Variants in FREM2 observed in about 807,000 individuals in gnomAD.
FREM2 encodes the protein FRAS1 related extracellular matrix 2.
A neutral mutation model predicts 219.9 loss-of-function variants in FREM2; 119 were observed. The ratio of observed to expected loss-of-function variants is 0.54; its 90% CI spans 0.47 to 0.63. The LOEUF (loss-of-function observed/expected upper bound fraction) is 0.63, where lower values mean the gene tolerates loss of function less well. FREM2 is among the 30% of genes least tolerant of loss of function. The pLI is 0.00. For synonymous variants in FREM2, 1,562 were observed against 1,522.8 expected (o/e 1.03, Z -0.60); for missense variants, 4,030 against 3,993.6 (o/e 1.01, Z -0.25).
intron 21 of FREM2, among the ~76,000 whole-genome samples, chr13:38,877,837 G>A (rs1878394924): frequency 6.6e-6 from 1 of 152,098 alleles, no homozygotes; most frequent in Non-Finnish European, 1.5e-5. Flanking sequence ...GACCACAATG[G>A]GATATTATTA....
intron 6 of FREM2, among the ~76,000 whole-genome samples, chr13:38,789,140 G>A (rs529253156): frequency 1.3e-5 from 2 of 151,888 alleles, no homozygotes; most frequent in Admixed American, 1.3e-4. Context: ...ATTGAGTTGA[G>A]GTACTATCTT....
chr13:38,779,641 A>G (rs951696965), intron 4 of FREM2: 1 of 152,100 alleles, frequency 6.6e-6, no homozygotes, highest in African/African-American at 2.4e-5. Flanking sequence ...TTAAAGCAAA[A>G]CTTCTTGAAA....
chr13:38,691,296 G>C lies in FREM2; in HGVS notation c.3952G>C (p.Asp1318His). 1.2e-6 allele frequency: 2 copies of C among 1,613,880 alleles called. No homozygotes were observed. Among genetic ancestry groups the C allele is most frequent in the Non-Finnish European group, 1.7e-6 (2 of 1,179,810 alleles). Reference sequence around the variant, plus strand: ...TAATGGACTAGAAATAGAAATTGGGGATACCAAGATTATCAACAACAAAAT... The same window carrying C: ...TAATGGACTAGAAATAGAAATTGGGCATACCAAGATTATCAACAACAAAAT... ...INNGLEIEIG[D>H]TKIINNKILM... The change falls in exon 1 of 24, where the codon GAT becomes CAT. Residue 1318 changes from aspartate to histidine, a missense_variant. By Grantham distance (81) the Asp-to-His change is moderately conservative (BLOSUM62 -1). Around this residue, in one of 2 missense-constraint regions of FREM2, gnomAD observed 3,102 missense variants for 2,950.7 expected, o/e 1.05. Coordinates refer to ENST00000280481, the MANE Select transcript of FREM2 (RefSeq NM_207361.6).
intron 6 of FREM2, among the ~76,000 whole-genome samples, chr13:38,814,943 C>T (rs1385434642): frequency 6.6e-6 from 1 of 152,158 alleles, no homozygotes; most frequent in Non-Finnish European, 1.5e-5. Flanking sequence ...CTGGCAGGCA[C>T]AGGACTCAGC....
rs150007765 is a variant in FREM2 at position 38,864,589 on chromosome 13, A to T, written c.7966A>T (p.Ile2656Phe). 3.7e-4 allele frequency: 604 copies of T among 1,614,026 alleles called. 5 individuals are homozygous for T. In the Admixed American group the frequency reaches 6.2e-3, roughly 17 times the overall value. Residue 2656 changes from isoleucine to phenylalanine, a missense_variant, in exon 16 of 24, where the codon ATT becomes TTT. Coordinates refer to ENST00000280481, the MANE Select transcript of FREM2 (RefSeq NM_207361.6). ...ACTCCTTGCTGACTGTGGTGGCACC[A>T]TTGGAACAGATGGACAGGTACAGAT... ...SELLADCGGT[I>F]GTDGQVLNLV...
Position 38,690,829 on chromosome 13 carries a change from G to C in FREM2, c.3485G>C (p.Arg1162Pro), listed in dbSNP as rs772453403. 1.9e-6 allele frequency: 3 copies of C among 1,614,120 alleles called. No individual in the cohort carries two copies. In the Admixed American group the frequency reaches 5.0e-5, roughly 27 times the overall value. Residue 1162 changes from arginine to proline, a missense_variant, in exon 1 of 24, where the codon CGA becomes CCA. By Grantham distance (103) the Arg-to-Pro change is moderately radical. Transcript: ENST00000280481. ...AAAGGGGTGGAACCTGTGGAGGACC[G>C]ATTTGTATTTCGTTGTTCTGATGGC... ...VHKGVEPVED[R>P]FVFRCSDGIN...
chr13:38,793,417 T>G (rs1163280414), intron 6 of FREM2, among the ~76,000 whole-genome samples: 3 of 151,920 alleles, frequency 2.0e-5, no homozygotes, highest in African/African-American at 4.8e-5. Flanking sequence ...GTTTCTGGAG[T>G]GAGAAATTCA....
At chr13:38,714,811 G>A (rs930612358) in intron 2 of FREM2, among the ~76,000 whole-genome samples, 9 of 152,070 alleles carry the variant, frequency 5.9e-5, no homozygotes, top group Admixed American at 3.3e-4. Flanking sequence ...TTGGCCCAGC[G>A]CGGTAGGTCA....
chr13:38,706,790 A>G (rs1028675710), intron 2 of FREM2, among the ~76,000 whole-genome samples: 2 of 152,194 alleles, frequency 1.3e-5, no homozygotes, highest in African/African-American at 4.8e-5. Flanking sequence ...CCTGATAAGT[A>G]TTAAAGCCTT....
intron 4 of FREM2, among the ~76,000 whole-genome samples, chr13:38,782,519 A>G (rs888405106): frequency 1.3e-5 from 2 of 152,254 alleles, no homozygotes; most frequent in Non-Finnish European, 2.9e-5. Flanking sequence ...AAAATGTTGA[A>G]CAATGTATTA....
At position 38,871,685 on chromosome 13, in the gene FREM2, C is replaced by A. The variant is rs142847289; in HGVS notation, c.7984-1057C>A. Among the ~76,000 whole-genome samples the A allele has an allele frequency of 1.9e-3, 289 of 152,266 alleles. 1 individual carries two copies. Among genetic ancestry groups the A allele is most frequent in the African/African-American group, 6.8e-3 (281 of 41,552 alleles). On this transcript the variant is annotated intron_variant, in intron 16 of 23. Coordinates refer to ENST00000280481, the MANE Select transcript of FREM2 (RefSeq NM_207361.6). ...GTCTTAATTTTATCTTTGTCTCTTTCTATCCGTCATCCATTGACCATCCAA... is the reference window on the plus strand; with the variant it reads ...GTCTTAATTTTATCTTTGTCTCTTTATATCCGTCATCCATTGACCATCCAA...
intron 6 of FREM2, among the ~76,000 whole-genome samples, chr13:38,789,895 C>T (rs1874491358): frequency 6.6e-6 from 1 of 151,598 alleles, no homozygotes; most frequent in African/African-American, 2.4e-5. Context: ...ATGTTTTTCG[C>T]TTCAACTGCT....
intron 6 of FREM2, among the ~76,000 whole-genome samples, chr13:38,816,462 C>T (rs1015147106): frequency 3.9e-5 from 6 of 152,022 alleles, no homozygotes; most frequent in African/African-American, 7.2e-5. Flanking sequence ...TGCACATTAA[C>T]GGAAAGAATT....
intron 2 of FREM2, among the ~76,000 whole-genome samples, chr13:38,709,987 ACACACACACACAC>A (rs1870703185): frequency 1.2e-3 from 1 of 844 alleles, no homozygotes; most frequent in African/African-American, 1.9e-3. Flanking sequence ...AACTAAAAAT[ACACACACACACAC>A]ACACACACAC....
chr13:38,836,640 C>T (rs1876718791), intron 6 of FREM2, among the ~76,000 whole-genome samples: 1 of 152,148 alleles, frequency 6.6e-6, no homozygotes, highest in Admixed American at 6.6e-5. Context: ...TTGGTCTGTT[C>T]AGGGATTTGA....
chr13:38,713,579 C>T (rs902635751), intron 2 of FREM2, among the ~76,000 whole-genome samples: 2 of 152,220 alleles, frequency 1.3e-5, no homozygotes, highest in African/African-American at 4.8e-5. Context: ...ATGGCCTTAA[C>T]TGATCGCTCC....
chr13:38,842,725 A>G (rs1220455328), intron 6 of FREM2, among the ~76,000 whole-genome samples: 1 of 152,224 alleles, frequency 6.6e-6, no homozygotes, highest in East Asian at 1.9e-4. Context: ...CTCAGGAGAC[A>G]CAATGTAATT....
intron 3 of FREM2, among the ~76,000 whole-genome samples, chr13:38,769,173 A>G (rs532304636): frequency 6.6e-6 from 1 of 152,154 alleles, no homozygotes; most frequent in East Asian, 1.9e-4. Context: ...CTTATATTTT[A>G]TAGTTAGAGA....
intron 6 of FREM2, among the ~76,000 whole-genome samples, chr13:38,840,039 A>G (rs1209527622): frequency 6.6e-6 from 1 of 152,152 alleles, no homozygotes; most frequent in African/African-American, 2.4e-5. Context: ...GTGTCTGTCC[A>G]AATGGCCACC....
Sources: gnomAD v4.1 joint callset for allele counts (sites outside exome capture counted in the v4.1 genomes callset) on GRCh38, gnomAD v4.1.1 for gene constraint, gnomAD v4.1.1 regional missense constraint, MANE v1.5 for transcripts, NCBI Gene and HGNC (gene_info 2026-07-23, HGNC 2026-07-21) for gene names.